ANKRD36C: variants seen among roughly 807,000 people sequenced by gnomAD.
ANKRD36C encodes the protein ankyrin repeat domain-containing protein 36C.
In ANKRD36C, 61 loss-of-function variants were observed where a neutral mutation model predicts 276.4. The observed-to-expected ratio is 0.22, with a 90% CI of 0.18 to 0.27. ANKRD36C has a LOEUF of 0.27. Among genes scored for constraint, ANKRD36C ranks in the 10% least tolerant of loss-of-function variants. The pLI, the probability that ANKRD36C is intolerant of heterozygous loss-of-function variation, is 1.00. For missense variants in ANKRD36C, 1,447 were observed against 2,032.3 expected, an observed-to-expected ratio of 0.71 and a Z score of 5.54; for synonymous variants, 483 against 680.1, an observed-to-expected ratio of 0.71 and a Z score of 4.51.
At chr2:95,869,671 G>T (rs1383886156) in intron 59 of ANKRD36C, among the ~76,000 whole-genome samples, 1 of 152,194 alleles carries the variant, frequency 6.6e-6, no homozygotes, top group East Asian at 1.9e-4. Flanking sequence ...CTGGACAGTG[G>T]GTGCAGTGCA....
chr2:95,883,697 C>T (rs1214591178), intron 54 of ANKRD36C, among the ~76,000 whole-genome samples: 1 of 152,014 alleles, frequency 6.6e-6, no homozygotes, highest in African/African-American at 2.4e-5. Flanking sequence ...ATTTTCCCTC[C>T]TTTCTGCCTG....
At chr2:95,873,450 T>C (rs1247106812) in intron 59 of ANKRD36C, among the ~76,000 whole-genome samples, 3 of 152,194 alleles carry the variant, frequency 2.0e-5, no homozygotes, top group Non-Finnish European at 4.4e-5. Context: ...AGAAAAGGCC[T>C]TTGACAAAAT....
intron 42 of ANKRD36C, 135 bp from the exon 45 acceptor site, chr2:95,910,703 C>G: frequency 6.7e-7 from 1 of 1,501,006 alleles, no homozygotes; most frequent in Non-Finnish European, 9.0e-7. Flanking sequence ...TACTTTGTGT[C>G]TGGGGACTAG....
At chr2:95,876,269 CACTA>C (rs1675950691) in intron 59 of ANKRD36C, among the ~76,000 whole-genome samples, 166 bp downstream of exon 79, 1 of 152,042 alleles carries the variant, frequency 6.6e-6, no homozygotes, top group Admixed American at 6.5e-5. Flanking sequence ...TAGATTCCAA[CACTA>C]TTTTAAGTTT....
chr2:95,893,458 C>T (rs977900183), intron 44 of ANKRD36C, 75 bp downstream of exon 64: 140 of 1,521,432 alleles, frequency 9.2e-5, no homozygotes, highest in Admixed American at 5.6e-4. Flanking sequence ...ACGAGCCCCC[C>T]GCTGATTTAT....
intron 59 of ANKRD36C, among the ~76,000 whole-genome samples, chr2:95,870,860 G>C (rs1315349416): frequency 6.6e-6 from 1 of 152,210 alleles, no homozygotes; most frequent in Non-Finnish European, 1.5e-5. Flanking sequence ...CGAGAACTAT[G>C]TGAAGAGTGC....
intron 38 of ANKRD36C, among the ~76,000 whole-genome samples, chr2:95,915,700 T>A (rs887300477): frequency 7.9e-5 from 12 of 151,504 alleles, no homozygotes; most frequent in Non-Finnish European, 1.0e-4. Flanking sequence ...TGCTACAGAA[T>A]TAAAGCAAAA....
At chr2:95,891,712 A>T (rs747998050) in exon 46 of ANKRD36C, 23 of 1,581,062 alleles carry the variant, frequency 1.5e-5, no homozygotes, top group Non-Finnish European at 1.6e-5. Flanking sequence ...TATATTCAAA[A>T]CAGAATCTTT....
At chr2:95,915,605 C>G (rs963264095) in intron 38 of ANKRD36C, among the ~76,000 whole-genome samples, 11 of 151,434 alleles carry the variant, frequency 7.3e-5, no homozygotes, top group Admixed American at 2.0e-4. Flanking sequence ...ATTATGAACA[C>G]TTTTCTGTCT....
At chr2:95,958,999 A>G (rs1678394434) in intron 10 of ANKRD36C, among the ~76,000 whole-genome samples, 1 of 152,286 alleles carries the variant, frequency 6.6e-6, no homozygotes, top group African/African-American at 2.4e-5. Context: ...CCAATTTCAT[A>G]TGTGATATTA....
In ANKRD36C at chr2:95,969,611, G is replaced by A. The variant is rs2579537; in HGVS notation, c.800-7064C>T. Reference sequence around the variant, plus strand: ...TACCTAACATCCAACCAACAATATCGTCATGGTTCACGGATCCAAGATCAC... The same window carrying A: ...TACCTAACATCCAACCAACAATATCATCATGGTTCACGGATCCAAGATCAC... On this transcript the variant is annotated intron_variant, in intron 6 of 66. Coordinates refer to ENST00000456556, the Ensembl canonical transcript of ANKRD36C. Among the ~76,000 whole-genome samples the A allele has an allele frequency of 4.2e-3, 616 of 147,792 alleles. 1 individual carries two copies. The highest frequency in any genetic ancestry group is 7.0e-3 in the Non-Finnish European group (463 of 66,364).
At chr2:95,911,195 T>G (rs1018326578) in intron 42 of ANKRD36C, among the ~76,000 whole-genome samples, 7 of 151,466 alleles carry the variant, frequency 4.6e-5, no homozygotes, top group Non-Finnish European at 1.0e-4. Context: ...ATCCACTAGT[T>G]TAGCCTCCCA....
Position 95,882,504 on chromosome 2 carries a change from A to C in ANKRD36C, c.3266-7T>G. On this transcript the variant is annotated splice_polypyrimidine_tract_variant and splice_region_variant and intron_variant, in intron 54 of 66. Transcript: ENST00000456556. ...GATTGTTTCTGAGGAGACACTGAAA[A>C]GTAAAAGAAATATATAATCCATCAT... 1 of 1,550,796 alleles carries C rather than the reference A, an allele frequency of 6.4e-7. No individual in the cohort carries two copies. Among genetic ancestry groups the C allele is most frequent in the Non-Finnish European group, 8.7e-7 (1 of 1,148,522 alleles).
chr2:95,896,743 A>G (rs1338165149), intron 44 of ANKRD36C, among the ~76,000 whole-genome samples: 1 of 147,376 alleles, frequency 6.8e-6, no homozygotes, highest in Non-Finnish European at 1.5e-5. Context: ...GAGTTCACTC[A>G]GGTTTTCTCA....
At chr2:95,990,093 G>A (rs1274251946) in intron 1 of ANKRD36C, among the ~76,000 whole-genome samples, 6 of 151,956 alleles carry the variant, frequency 3.9e-5, no homozygotes, top group African/African-American at 1.5e-4. Flanking sequence ...ATATTTGTAG[G>A]AATATAAACA....
At chr2:95,980,136 A>G (rs991319479) in intron 5 of ANKRD36C, among the ~76,000 whole-genome samples, 3 of 152,074 alleles carry the variant, frequency 2.0e-5, no homozygotes, top group Non-Finnish European at 4.4e-5. Flanking sequence ...CAATGAAAAC[A>G]AAGCAATGAT....
At chr2:95,948,419 T>C in intron 17 of ANKRD36C, 111 bp downstream of exon 17, 4 of 1,161,198 alleles carry the variant, frequency 3.4e-6, no homozygotes, top group Non-Finnish European at 4.7e-6. Flanking sequence ...ATAAAAGTTT[T>C]AATACTAACA....
intron 5 of ANKRD36C, among the ~76,000 whole-genome samples, chr2:95,978,432 G>C (rs1196842416): frequency 6.6e-6 from 1 of 151,996 alleles, no homozygotes; most frequent in Non-Finnish European, 1.5e-5. Flanking sequence ...TGACACAATG[G>C]AAAGTCACCT....
chr2:95,875,022 T>A (rs1675910710), intron 59 of ANKRD36C, among the ~76,000 whole-genome samples: 1 of 152,152 alleles, frequency 6.6e-6, no homozygotes, highest in African/African-American at 2.4e-5. Context: ...TTAAAAAGTC[T>A]GCAAACAACA....
Sources: allele counts gnomAD v4.1 joint callset (sites outside exome capture counted in the v4.1 genomes callset), GRCh38; gene constraint gnomAD v4.1.1; transcripts MANE v1.5; gene names NCBI Gene and HGNC (gene_info 2026-07-23, HGNC 2026-07-21).